Variants in SCEL observed in about 807,000 individuals in gnomAD.
SCEL encodes the protein sciellin.
Under a neutral mutation model 117.6 loss-of-function variants are expected in SCEL, and 113 were observed. The observed-to-expected ratio is 0.96, with a 90% CI of 0.83 to 1.12. SCEL has a LOEUF of 1.12. SCEL is among the 50% of genes most tolerant of loss of function. The probability of loss-of-function intolerance (pLI) is 0.00; values close to 1 mark genes in which losing one functional copy is unlikely to be tolerated. For missense variants in SCEL, 785 were observed against 810.8 expected, an observed-to-expected ratio of 0.97 and a Z score of 0.39; for synonymous variants, 270 against 256.2, an observed-to-expected ratio of 1.05 and a Z score of -0.51.
intron 1 of SCEL, among the ~76,000 whole-genome samples, chr13:77,542,230 G>T (rs777735329): frequency 2.0e-5 from 3 of 152,094 alleles, no homozygotes; most frequent in Non-Finnish European, 4.4e-5. Context: ...GTGAAACCCC[G>T]TCTCTACTAA....
Position 77,563,774 on chromosome 13 carries a change from A to T in SCEL, c.222-57A>T, listed in dbSNP as rs2085120363. ...GCCATATGTATGATAGGTTTTATAA[A>T]CTTTTTTTTTGTAATTGATTTGATT... On this transcript the variant is annotated intron_variant, in intron 4 of 32. Coordinates refer to ENST00000349847, the MANE Select transcript of SCEL (RefSeq NM_144777.3). 4.4e-6 allele frequency: 6 copies of T among 1,361,136 alleles called. No individual in the cohort carries two copies. In the South Asian group the frequency reaches 5.1e-5, roughly 12 times the overall value. The allele number at this position is 1,361,136 out of a possible 1,614,324, so 84.3% of individuals were successfully genotyped here.
At position 77,599,343 on chromosome 13, in the gene SCEL, A is replaced by G. The variant is rs1483428281; in HGVS notation, c.812A>G (p.Asp271Gly). 3.7e-6 allele frequency: 6 copies of G among 1,612,090 alleles called. No homozygotes were observed. The highest frequency in any genetic ancestry group is 1.6e-4 in the Middle Eastern group (1 of 6,070). The change falls in exon 14 of 33, where the codon GAT (aspartate) becomes GGT (glycine). Residue 271 changes from aspartate (D) to glycine (G), a missense_variant. Asp to Gly is a moderately conservative substitution (Grantham distance 94). Transcript: ENST00000349847. ...NKSLNRNQGL[D>G]SLFRANPKVE... Reference sequence around the variant, plus strand: ...TACATTTAAAGGAATCAAGGTCTTGATAGTCTCTTCAGAGCAAATCCAAAG... The same window carrying G: ...TACATTTAAAGGAATCAAGGTCTTGGTAGTCTCTTCAGAGCAAATCCAAAG...
At chr13:77,589,898 T>C (rs953536583) in intron 10 of SCEL, among the ~76,000 whole-genome samples, 4 of 152,194 alleles carry the variant, frequency 2.6e-5, no homozygotes, top group Non-Finnish European at 4.4e-5. Flanking sequence ...ACTCTTCCCA[T>C]GTGTTACATT....
At chr13:77,602,437 C>T (rs995760323) in intron 16 of SCEL, 12 of 501,162 alleles carry the variant, frequency 2.4e-5, no homozygotes, top group African/African-American at 2.1e-4. Context: ...GCGAGAGCCA[C>T]ATTGAGAAGC....
At chr13:77,560,940 C>G (rs956288452) in intron 4 of SCEL, among the ~76,000 whole-genome samples, 1 of 152,078 alleles carries the variant, frequency 6.6e-6, no homozygotes, top group Non-Finnish European at 1.5e-5. Flanking sequence ...TTCTGTCAAC[C>G]CTTTTAAACT....
At chr13:77,540,426 G>A (rs1298569092) in intron 1 of SCEL, among the ~76,000 whole-genome samples, 1 of 152,160 alleles carries the variant, frequency 6.6e-6, no homozygotes, top group African/African-American at 2.4e-5. Context: ...TGATGTTATG[G>A]AAACTCTTTG....
intron 1 of SCEL, among the ~76,000 whole-genome samples, chr13:77,549,152 GGTT>G (rs2084160214): frequency 6.6e-6 from 1 of 152,100 alleles, no homozygotes; most frequent in Non-Finnish European, 1.5e-5. Flanking sequence ...TTTCCATAGA[GGTT>G]GTACTAATTT....
At chr13:77,559,642 T>C (rs895375177) in intron 3 of SCEL, among the ~76,000 whole-genome samples, 162 bp from the exon 4 acceptor site, 2 of 152,152 alleles carry the variant, frequency 1.3e-5, no homozygotes, top group East Asian at 3.8e-4. Flanking sequence ...TTTCAAGTGG[T>C]GACTGGTTAA....
chr13:77,558,293 T>G (rs2084772750), intron 3 of SCEL, among the ~76,000 whole-genome samples: 1 of 152,142 alleles, frequency 6.6e-6, no homozygotes, highest in Non-Finnish European at 1.5e-5. Flanking sequence ...CTTTGATGCT[T>G]CCCTGATTCC....
At chr13:77,629,933 G>A (rs1187572606) in intron 28 of SCEL, among the ~76,000 whole-genome samples, 2 of 151,944 alleles carry the variant, frequency 1.3e-5, no homozygotes, top group Non-Finnish European at 2.9e-5. Flanking sequence ...TGGATTGGGG[G>A]TCTTATGACC....
intron 9 of SCEL, among the ~76,000 whole-genome samples, chr13:77,575,647 A>T (rs1284581910): frequency 6.6e-6 from 1 of 152,334 alleles, no homozygotes; most frequent in East Asian, 1.9e-4. Flanking sequence ...TCACGAGAGA[A>T]TCTAATTCAT....
At chr13:77,553,190 T>C (rs2084444550) in intron 1 of SCEL, among the ~76,000 whole-genome samples, 1 of 152,286 alleles carries the variant, frequency 6.6e-6, no homozygotes, top group East Asian at 1.9e-4. Context: ...GAGCACCTAC[T>C]CTCTCCCAGA....
In SCEL at chr13:77,535,766, T is replaced by C. The variant is rs2083396163; in HGVS notation, c.-78T>C. On this transcript the variant is annotated 5_prime_UTR_variant, in exon 1 of 33. Transcript: ENST00000349847. ...GTTCCCATTTCTTTCAGCCAGATCC[T>C]CCCAGGGAATCACTACAGGCTGGTT... 1 of 152,188 alleles carries C rather than the reference T, an allele frequency of 6.6e-6. No individual in the cohort carries two copies. Among genetic ancestry groups the C allele is most frequent in the African/African-American group, 2.4e-5 (1 of 41,442 alleles). 9.4% of individuals were successfully genotyped at this position (152,188 alleles called of 1,614,324 possible).
chr13:77,537,507 G>A (rs2083470238), intron 1 of SCEL, among the ~76,000 whole-genome samples: 1 of 152,220 alleles, frequency 6.6e-6, no homozygotes, highest in African/African-American at 2.4e-5. Flanking sequence ...GTATGACTAA[G>A]ACATAATAGA....
chr13:77,608,685 AG>A (rs2088412704), intron 20 of SCEL, among the ~76,000 whole-genome samples: 1 of 152,236 alleles, frequency 6.6e-6, no homozygotes, highest in Admixed American at 6.5e-5. Context: ...TTTTTAAAAA[AG>A]GATATTACAA....
intron 1 of SCEL, among the ~76,000 whole-genome samples, chr13:77,551,379 C>T (rs1266635864): frequency 1.3e-5 from 2 of 152,144 alleles, no homozygotes; most frequent in Non-Finnish European, 2.9e-5. Context: ...AATGACTTGC[C>T]TATTTTATAA....
At chr13:77,589,274 A>G (rs369761060) in intron 10 of SCEL, 50 bp downstream of exon 10, 7 of 1,346,474 alleles carry the variant, frequency 5.2e-6, no homozygotes, top group Non-Finnish European at 7.4e-6. Context: ...TTCAAGGGAA[A>G]TGAAAGTAAA....
In SCEL at chr13:77,645,027, A is replaced by G. The variant is rs879672269; in HGVS notation, c.*753A>G. ...CTTAGTGTTTGAAAACTGTGTTTTAAAAACAGAAACAGATTGATGGGTAAC... is the reference window on the plus strand; with the variant it reads ...CTTAGTGTTTGAAAACTGTGTTTTAGAAACAGAAACAGATTGATGGGTAAC... On this transcript the variant is annotated 3_prime_UTR_variant, in exon 33 of 33. Coordinates refer to ENST00000349847, the MANE Select transcript of SCEL (RefSeq NM_144777.3). The G allele has an allele frequency of 1.3e-5, 2 of 152,166 alleles. No individual in the cohort carries two copies. The highest frequency in any genetic ancestry group is 2.9e-5 in the Non-Finnish European group (2 of 68,008). The allele number at this position is 152,166 out of a possible 1,614,324, so 9.4% of individuals were successfully genotyped here.
At chr13:77,620,151 A>C (rs1009320314) in intron 27 of SCEL, among the ~76,000 whole-genome samples, 2 of 152,172 alleles carry the variant, frequency 1.3e-5, no homozygotes, top group Admixed American at 6.6e-5. Context: ...ATTATTCTTT[A>C]GTAGTATGCC....
Sources: allele counts gnomAD v4.1 joint callset (sites outside exome capture counted in the v4.1 genomes callset), GRCh38; gene constraint gnomAD v4.1.1; transcripts MANE v1.5; gene names NCBI Gene and HGNC (gene_info 2026-07-23, HGNC 2026-07-21).